Variants in ARHGAP29 observed in about 807,000 individuals in gnomAD.
ARHGAP29 encodes Rho GTPase activating protein 29.
ARHGAP29 carries 43 observed loss-of-function variants against 122.6 expected under a neutral mutation model. That is an observed-to-expected ratio of 0.35 (90% CI 0.27 to 0.45). ARHGAP29 has a LOEUF of 0.45. Ranked by LOEUF, ARHGAP29 falls within the 20% of genes least tolerant of loss-of-function variation. The pLI is 1.00. For missense variants in ARHGAP29, 1,303 were observed against 1,477.2 expected (o/e 0.88, Z 1.93); for synonymous variants, 506 against 497.1 (o/e 1.02, Z -0.24).
At chr1:94,213,017 T>G (rs1651740207) in intron 3 of ARHGAP29, among the ~76,000 whole-genome samples, 1 of 152,220 alleles carries the variant, frequency 6.6e-6, no homozygotes, top group African/African-American at 2.4e-5. Context: ...GCCATATTTC[T>G]CCTTAAAGCT....
At position 94,179,889 on chromosome 1, in the gene ARHGAP29, A is replaced by G. The variant is rs1649346271; in HGVS notation, c.2316T>C (p.His772=). 6 of 1,613,100 alleles carry G rather than the reference A, an allele frequency of 3.7e-6. No homozygotes were observed. The highest frequency in any genetic ancestry group is 1.7e-4 in the Middle Eastern group (1 of 6,048). The change falls in exon 20 of 23, where the codon CAT becomes CAC. Residue 772 remains histidine (H), a synonymous_variant. Transcript: ENST00000260526. ...TTTTTGTCTCTTGTTCTTCATTTAC[A>G]TGTTGGATCTCTTTTGCAAGGTCTA... ...EFIDLAKEIQ[H]VNEEQETKKN...
chr1:94,259,271 G>A (rs1258342436), intron 1 of ARHGAP29, among the ~76,000 whole-genome samples: 4 of 152,308 alleles, frequency 2.6e-5, no homozygotes, highest in East Asian at 3.9e-4. Flanking sequence ...AGTCATCTCT[G>A]TGACCTGTAT....
At chr1:94,294,665 C>G in the ARHGAP29 span, among the ~76,000 whole-genome samples, 1 of 152,126 alleles carries the variant, frequency 6.6e-6, no homozygotes, top group Non-Finnish European at 1.5e-5. Context: ...ATTTGTTGTT[C>G]ACACTAGTGA....
chr1:94,173,824 C>T lies in ARHGAP29; in HGVS notation c.*45G>A. 4 of 1,545,860 alleles carry T rather than the reference C, an allele frequency of 2.6e-6. No individual in the cohort carries two copies. In the African/African-American group the frequency reaches 4.1e-5, roughly 16 times the overall value. On this transcript the variant is annotated 3_prime_UTR_variant, in exon 23 of 23. Coordinates refer to ENST00000260526, the MANE Select transcript of ARHGAP29 (RefSeq NM_004815.4). ...CTTTCACAAAACAAGCACAATACCA[C>T]AAAATAACACAACAACAACAAAAAA...
At chr1:94,293,600 T>G in the ARHGAP29 span, among the ~76,000 whole-genome samples, 1 of 152,216 alleles carries the variant, frequency 6.6e-6, no homozygotes, top group East Asian at 1.9e-4. Flanking sequence ...GCTGTTCCTA[T>G]TTGACCGTCT....
At chr1:94,192,073 T>C in intron 12 of ARHGAP29, 1 of 152,192 alleles carries the variant, frequency 6.6e-6, no homozygotes, top group East Asian at 1.9e-4. Flanking sequence ...TTTTAAATCC[T>C]TTCATGATTC....
Position 94,203,218 on chromosome 1 carries a change from T to A in ARHGAP29, c.763-8A>T. ...CTGCAGTGGCATGAACTCCTAAAATTTAAAATTGAAAAGTAAATTTTACAA... is the reference window on the plus strand; with the variant it reads ...CTGCAGTGGCATGAACTCCTAAAATATAAAATTGAAAAGTAAATTTTACAA... On this transcript the variant is annotated splice_region_variant and splice_polypyrimidine_tract_variant and intron_variant, in intron 8 of 22. Transcript: ENST00000260526. The A allele has an allele frequency of 6.3e-7, 1 of 1,579,020 alleles. No individual in the cohort carries two copies. The highest frequency in any genetic ancestry group is 8.6e-7 in the Non-Finnish European group (1 of 1,162,752).
intron 4 of ARHGAP29, 102 bp from the exon 5 acceptor site, chr1:94,209,006 C>A (rs1651402313): frequency 2.6e-6 from 3 of 1,134,830 alleles, no homozygotes; most frequent in African/African-American, 3.2e-5. Flanking sequence ...AAAATAAGAA[C>A]CTTAGAAATA....
At position 94,203,973 on chromosome 1, in the gene ARHGAP29, A is replaced by C. The variant is rs762094116; in HGVS notation, c.719T>G (p.Met240Arg). 2 of 1,613,908 alleles carry C rather than the reference A, an allele frequency of 1.2e-6. No homozygotes were observed. Among genetic ancestry groups the C allele is most frequent in the Admixed American group, 3.3e-5 (2 of 60,002 alleles). Residue 240 changes from methionine to arginine, a missense_variant, in exon 8 of 23, where the codon ATG becomes AGG. Coordinates refer to ENST00000260526, the MANE Select transcript of ARHGAP29 (RefSeq NM_004815.4). ...TCTAGTTGCCTCTGCCAACTTGACCATATTTCTAGTGGACTCCAATTCTGA... is the reference window on the plus strand; with the variant it reads ...TCTAGTTGCCTCTGCCAACTTGACCCTATTTCTAGTGGACTCCAATTCTGA... ...LNLELESTRN[M>R]VKLAEATRTN... is the part of the protein sequence containing the mutation.
At chr1:94,209,192 T>TCCA in intron 4 of ARHGAP29, 62 bp downstream of exon 4, 1 of 1,172,688 alleles carries the variant, frequency 8.5e-7, no homozygotes, top group Non-Finnish European at 1.2e-6. Context: ...TACTGGATAA[T>TCCA]GCAACATACT....
rs765536759 is a variant in ARHGAP29 at position 94,174,009 on chromosome 1, G to A, written c.3646C>T (p.Pro1216Ser). Residue 1216 changes from proline to serine, a missense_variant, in exon 23 of 23, where the codon CCT becomes TCT. This residue lies in a region of ARHGAP29 where 620 missense variants were observed against 651.2 expected (regional missense o/e 0.95). Transcript: ENST00000260526. ...MPDPDKASAC[P>S]GQATGQPKED... is the part of the protein sequence containing the mutation. ...TTAGGTTGACCAGTTGCTTGCCCAG[G>A]ACAAGCTGATGCTTTGTCTGGGTCT... 13 of 1,614,064 alleles carry A rather than the reference G, an allele frequency of 8.1e-6. No homozygotes were observed. In the African/African-American group the frequency reaches 1.2e-4, roughly 15 times the overall value.
intron 1 of ARHGAP29, among the ~76,000 whole-genome samples, chr1:94,266,275 C>A (rs1259221175): frequency 6.6e-6 from 1 of 152,008 alleles, no homozygotes; most frequent in Non-Finnish European, 1.5e-5. Flanking sequence ...TGTCATTCTG[C>A]TCCTTCTATG....
rs765229411 is a variant in ARHGAP29, at chr1:94,174,425, A to G, written c.3230T>C (p.Leu1077Pro). The G allele has an allele frequency of 1.7e-5, 27 of 1,614,164 alleles. No homozygotes were observed. Among genetic ancestry groups the G allele is most frequent in the Non-Finnish European group, 2.1e-5 (25 of 1,180,012 alleles). The change falls in exon 23 of 23, where the codon CTA becomes CCA. Residue 1077 changes from leucine to proline, a missense_variant. Around this residue, in one of 3 missense-constraint regions of ARHGAP29, gnomAD observed 620 missense variants for 651.2 expected, o/e 0.95. Coordinates refer to ENST00000260526, the MANE Select transcript of ARHGAP29 (RefSeq NM_004815.4). ...SKFNGFDQQTLQKIQDKQYEQ... is the reference protein window; with the variant it reads ...SKFNGFDQQTPQKIQDKQYEQ... ...ATACTGTTTGTCCTGAATTTTCTGT[A>G]GAGTTTGCTGGTCAAAGCCATTAAA...
rs373744269 is a variant in ARHGAP29, at chr1:94,257,845, A to G, written c.-33+17167T>C. Among the ~76,000 whole-genome samples the G allele has an allele frequency of 4.6e-5, 7 of 152,304 alleles. No homozygotes were observed. The East Asian group carries it at 1.2e-3, about 25-fold the overall frequency. On this transcript the variant is annotated intron_variant and NMD_transcript_variant, in intron 1 of 25. Transcript: ENST00000552844. ...TGGATGATGACAGAGTGTTGCCAAC[A>G]TTGTATAGGTAGTCTGTGCCCTATT...
chr1:94,278,171 A>G (rs1293537102), upstream of ARHGAP29, among the ~76,000 whole-genome samples: 1 of 152,082 alleles, frequency 6.6e-6, no homozygotes, highest in Non-Finnish European at 1.5e-5. Context: ...AAATTTTAAA[A>G]AGCTAAGTGT....
At chr1:94,242,614 A>T (rs1653638665), upstream of ARHGAP29, among the ~76,000 whole-genome samples, 1 of 66,536 alleles carries the variant, frequency 1.5e-5, no homozygotes, top group Non-Finnish European at 3.3e-5. Flanking sequence ...ATTTCAAAAA[A>T]TCAAAAAAAA....
At chr1:94,279,350 T>C (rs1264543403), upstream of ARHGAP29, among the ~76,000 whole-genome samples, 2 of 152,228 alleles carry the variant, frequency 1.3e-5, no homozygotes, top group Admixed American at 1.3e-4. Context: ...GCCTCTCTTC[T>C]CTGACTTCCC....
chr1:94,223,484 C>T (rs941891912), intron 2 of ARHGAP29, among the ~76,000 whole-genome samples: 3 of 152,012 alleles, frequency 2.0e-5, no homozygotes, highest in African/African-American at 7.3e-5. Flanking sequence ...AATTAAAACA[C>T]ATAACGCACT....
intron 15 of ARHGAP29, 139 bp downstream of exon 15, chr1:94,188,696 TTA>T: frequency 2.7e-6 from 2 of 728,938 alleles, no homozygotes; most frequent in South Asian, 4.5e-5. Context: ...TGAGGGGTTT[TTA>T]AAAACTATTT....
Sources: gnomAD v4.1 joint callset for allele counts (sites outside exome capture counted in the v4.1 genomes callset) on GRCh38, gnomAD v4.1.1 for gene constraint, gnomAD v4.1.1 regional missense constraint, MANE v1.5 for transcripts, NCBI Gene and HGNC (gene_info 2026-07-23, HGNC 2026-07-21) for gene names.